PSMA1: variants seen among roughly 807,000 people sequenced by gnomAD.
PSMA1 encodes the protein proteasome 20S subunit alpha 1.
Under a neutral mutation model 38.4 loss-of-function variants are expected in PSMA1, and 3 were observed. The ratio of observed to expected loss-of-function variants is 0.08; its 90% CI spans 0.04 to 0.20. The LOEUF (loss-of-function observed/expected upper bound fraction) is 0.20. Ranked by LOEUF, PSMA1 falls within the 10% of genes least tolerant of loss-of-function variation. The pLI is 1.00. For missense variants in PSMA1, 227 were observed against 325.3 expected (o/e 0.70, Z 2.32); for synonymous variants, 101 against 107.1 (o/e 0.94, Z 0.35).
At chr11:14,602,847 A>C (rs1257013177) in intron 2 of PSMA1, among the ~76,000 whole-genome samples, 1 of 152,158 alleles carries the variant, frequency 6.6e-6, no homozygotes, top group Middle Eastern at 3.2e-3. Context: ...ACCTGGAGCC[A>C]TTTCAGATTT....
chr11:14,611,254 TG>T (rs1044088302), intron 1 of PSMA1: 2 of 443,408 alleles, frequency 4.5e-6, no homozygotes, highest in Non-Finnish European at 8.0e-6. Flanking sequence ...TCTCCTCTCC[TG>T]GGGGTAAGTA....
chr11:14,640,918 G>GA (rs1423506886), intron 1 of PSMA1, among the ~76,000 whole-genome samples: 2 of 151,896 alleles, frequency 1.3e-5, no homozygotes, highest in African/African-American at 4.8e-5. Flanking sequence ...TGAGAAATTA[G>GA]AAAAAAAGAA....
intron 1 of PSMA1, among the ~76,000 whole-genome samples, chr11:14,621,939 C>T (rs11023281): frequency 6.6e-6 from 1 of 152,172 alleles, no homozygotes; most frequent in Non-Finnish European, 1.5e-5. Context: ...CATTTAGTAA[C>T]TCATTTAATC....
At position 14,536,356 on chromosome 11, in the gene PSMA1, G is replaced by A. The variant is rs183171327; in HGVS notation, c.22-17315C>T. 3.3e-5 allele frequency among the ~76,000 whole-genome samples: 5 copies of A among 151,886 alleles called. No individual in the cohort carries two copies. In the East Asian group the frequency reaches 7.9e-4, roughly 24 times the overall value. On this transcript the variant is annotated intron_variant, in intron 2 of 10. Transcript: ENST00000418988. ...AGCCTGACCAACATGGCGAAACCCC[G>A]TCTTTACTAAAAATACAAACATTAG...
intron 2 of PSMA1, among the ~76,000 whole-genome samples, chr11:14,535,343 AT>A (rs900959735): frequency 1.3e-5 from 2 of 151,782 alleles, no homozygotes; most frequent in East Asian, 3.9e-4. Context: ...GTTTAGAAAT[AT>A]TTTTTTCCAG....
intron 2 of PSMA1, among the ~76,000 whole-genome samples, chr11:14,567,605 T>C (rs1451266504): frequency 1.3e-5 from 2 of 152,228 alleles, no homozygotes; most frequent in African/African-American, 2.4e-5. Flanking sequence ...TCAGTGCTCA[T>C]GGAACTTTTG....
At chr11:14,573,985 C>T (rs1160947526) in intron 2 of PSMA1, among the ~76,000 whole-genome samples, 2 of 152,182 alleles carry the variant, frequency 1.3e-5, no homozygotes, top group South Asian at 2.1e-4. Flanking sequence ...CAAGAATTGC[C>T]CTGGCTGCCT....
chr11:14,529,128 A>C (rs895288661), intron 2 of PSMA1, among the ~76,000 whole-genome samples: 1 of 150,368 alleles, frequency 6.7e-6, no homozygotes. Context: ...TCTCAAAAAA[A>C]AAAAAAAAAA....
chr11:14,516,892 C>G (rs985315834), intron 4 of PSMA1, among the ~76,000 whole-genome samples: 1 of 152,146 alleles, frequency 6.6e-6, no homozygotes, highest in African/African-American at 2.4e-5. Context: ...CACCACTGCA[C>G]TCCAGCCTGG....
chr11:14,577,671 T>C (rs748313264), intron 2 of PSMA1, among the ~76,000 whole-genome samples: 13 of 152,214 alleles, frequency 8.5e-5, no homozygotes, highest in African/African-American at 1.4e-4. Context: ...ATGTAGGTAT[T>C]ATTACAACTG....
chr11:14,556,561 A>C (rs566621307), intron 2 of PSMA1, among the ~76,000 whole-genome samples: 2 of 152,172 alleles, frequency 1.3e-5, no homozygotes, highest in South Asian at 4.1e-4. Flanking sequence ...CATTTCCTTC[A>C]GCTTTGAGAA....
chr11:14,520,420 G>T (rs1262693338), upstream of PSMA1: 22 of 1,610,610 alleles, frequency 1.4e-5, no homozygotes, highest in South Asian at 1.7e-4. Context: ...GCGGCGCAGG[G>T]TAGCGCAGTC....
At chr11:14,592,390 ATATATT>A (rs1170056276) in intron 2 of PSMA1, among the ~76,000 whole-genome samples, 68 of 138,990 alleles carry the variant, frequency 4.9e-4, no homozygotes, top group African/African-American at 1.6e-3. Context: ...ATATATATAT[ATATATT>A]TTTTTTTTAG....
intron 2 of PSMA1, among the ~76,000 whole-genome samples, chr11:14,605,514 G>A (rs1852632699): frequency 6.6e-6 from 1 of 152,082 alleles, no homozygotes; most frequent in Admixed American, 6.5e-5. Context: ...CTCCCAAGTA[G>A]CTAGGACTAC....
intron 2 of PSMA1, among the ~76,000 whole-genome samples, chr11:14,610,668 T>C (rs912176470): frequency 6.6e-6 from 1 of 152,234 alleles, no homozygotes; most frequent in South Asian, 2.1e-4. Flanking sequence ...TATCCCTCCT[T>C]TGTCCCATGA....
chr11:14,559,588 A>G (rs1565044663), intron 2 of PSMA1, among the ~76,000 whole-genome samples: 1 of 152,224 alleles, frequency 6.6e-6, no homozygotes, highest in Non-Finnish European at 1.5e-5. Context: ...CGGAAGCAGA[A>G]CTGAAAGGCT....
intron 2 of PSMA1, among the ~76,000 whole-genome samples, chr11:14,544,309 C>T (rs1167862339): frequency 6.6e-6 from 1 of 152,278 alleles, no homozygotes; most frequent in Non-Finnish European, 1.5e-5. Context: ...GCTGGGATTA[C>T]AGGCGTGAGC....
chr11:14,638,394 A>G (rs1449634316), intron 1 of PSMA1, among the ~76,000 whole-genome samples: 1 of 151,486 alleles, frequency 6.6e-6, no homozygotes, highest in Non-Finnish European at 1.5e-5. Flanking sequence ...ATTTTTTAAG[A>G]AAAGAATAGT....
chr11:14,601,276 G>A (rs774860973), intron 2 of PSMA1, among the ~76,000 whole-genome samples: 31 of 152,156 alleles, frequency 2.0e-4, no homozygotes, highest in Non-Finnish European at 1.0e-4. Context: ...GTAGCTGACA[G>A]ATCAATGGTG....
Sources: gnomAD v4.1 joint callset for allele counts (sites outside exome capture counted in the v4.1 genomes callset) on GRCh38, gnomAD v4.1.1 for gene constraint, MANE v1.5 for transcripts, NCBI Gene and HGNC (gene_info 2026-07-23, HGNC 2026-07-21) for gene names.